The following SHC3 variants were observed in gnomAD, a reference collection of about 807,000 sequenced individuals.
SHC3 encodes the protein SHC adaptor protein 3, also known as SHC-transforming protein 3.
A neutral mutation model predicts 60.4 loss-of-function variants in SHC3; 15 were observed. The ratio of observed to expected loss-of-function variants is 0.25; its 90% CI spans 0.17 to 0.38. The LOEUF (loss-of-function observed/expected upper bound fraction) is 0.38, where lower values mean the gene tolerates loss of function less well. Ranked by LOEUF, SHC3 falls within the 10% of genes least tolerant of loss-of-function variation. SHC3 has a pLI of 1.00. For synonymous variants in SHC3, 294 were observed against 325.9 expected (o/e 0.90, Z 1.05); for missense variants, 677 against 786.1 (o/e 0.86, Z 1.66).
chr9:89,019,015 T>C (rs1432094905), intron 11 of SHC3, among the ~76,000 whole-genome samples: 1 of 149,224 alleles, frequency 6.7e-6, no homozygotes, highest in Non-Finnish European at 1.5e-5. Context: ...ACTGAGATCA[T>C]GCCACTGCAC....
intron 11 of SHC3, chr9:89,037,608 A>C: frequency 1.4e-6 from 1 of 695,268 alleles, no homozygotes; most frequent in Non-Finnish European, 2.6e-6. Context: ...CAAAATCCTC[A>C]GTGATTCAAC....
intron 6 of SHC3, among the ~76,000 whole-genome samples, chr9:89,063,429 AC>A (rs1391544907): frequency 1.3e-5 from 2 of 152,186 alleles, no homozygotes; most frequent in East Asian, 3.9e-4. Context: ...CACCTGGCTG[AC>A]AGCTGTGACT....
At chr9:89,165,894 A>T (rs1406670147) in intron 1 of SHC3, among the ~76,000 whole-genome samples, 1 of 151,894 alleles carries the variant, frequency 6.6e-6, no homozygotes, top group Non-Finnish European at 1.5e-5. Context: ...TTCCAACATC[A>T]CTCCTAATTG....
intron 1 of SHC3, among the ~76,000 whole-genome samples, chr9:89,145,229 G>A (rs1826451776): frequency 6.6e-6 from 1 of 152,186 alleles, no homozygotes; most frequent in Non-Finnish European, 1.5e-5. Flanking sequence ...GGACTGAATA[G>A]GAAATTCACA....
At position 89,012,808 on chromosome 9, in the gene SHC3, T is replaced by A. The variant is rs1826029608; in HGVS notation, c.*639A>T. ...GACCCGGAGAAGCTGGAGTGCCACC[T>A]GTTCTTTAGTGAAGCTGCAGCGAGT... On this transcript the variant is annotated 3_prime_UTR_variant, in exon 12 of 12. Transcript: ENST00000375835. The A allele has an allele frequency of 6.6e-6, 1 of 152,206 alleles. No homozygotes were observed. Among genetic ancestry groups the A allele is most frequent in the African/African-American group, 2.4e-5 (1 of 41,458 alleles). 9.4% of individuals were successfully genotyped at this position (152,206 alleles called of 1,614,324 possible).
At chr9:89,106,833 C>T (rs915529311) in intron 2 of SHC3, among the ~76,000 whole-genome samples, 5 of 152,162 alleles carry the variant, frequency 3.3e-5, no homozygotes, top group Non-Finnish European at 5.9e-5. Context: ...GACATTTCCA[C>T]AGTGATGTCT....
chr9:89,019,062 G>GAA (rs1158735225), intron 11 of SHC3, among the ~76,000 whole-genome samples: 2 of 108,658 alleles, frequency 1.8e-5, no homozygotes, highest in Non-Finnish European at 3.9e-5. Context: ...CTGTCTCAGA[G>GAA]AAAAAAAAAA....
intron 3 of SHC3, 39 bp downstream of exon 3, chr9:89,077,801 G>A (rs761689289): frequency 9.9e-6 from 16 of 1,611,170 alleles, no homozygotes; most frequent in Non-Finnish European, 1.4e-5. Flanking sequence ...AGAGGAAGTA[G>A]AGGAGACACA....
intron 8 of SHC3, 133 bp downstream of exon 8, chr9:89,046,711 G>T: frequency 9.2e-7 from 1 of 1,088,510 alleles, no homozygotes; most frequent in East Asian, 2.8e-5. Flanking sequence ...GAAATCCAGT[G>T]AGAGAAAGCT....
In SHC3 at chr9:89,145,356, C is replaced by T. The variant is rs28438394; in HGVS notation, c.474+32631G>A. On this transcript the variant is annotated intron_variant, in intron 1 of 11. Coordinates refer to ENST00000375835, the MANE Select transcript of SHC3 (RefSeq NM_016848.6). ...ATGGACTTCATTCTGCTTCCTGAAC[C>T]AATTATTTCCAAGGGGAAAATGATT... Among the ~76,000 whole-genome samples the T allele has an allele frequency of 6.1e-3, 933 of 152,272 alleles. 9 individuals carry two copies. The highest frequency in any genetic ancestry group is 0.021 in the African/African-American group (876 of 41,566).
At position 89,038,122 on chromosome 9, in the gene SHC3, T is replaced by G. The variant is rs1317534194; in HGVS notation, c.1527A>C (p.Ala509=). ...CTCCGTCTTTCTCCAGCAGCCCCTC[T>G]GCCTCCTTCCTGCTCATCTCTCCTT... ...WYQGEMSRKE[A]EGLLEKDGDF... The change falls in exon 11 of 12, where the codon GCA becomes GCC. Residue 509 remains alanine (A), a synonymous_variant. Coordinates refer to ENST00000375835, the MANE Select transcript of SHC3 (RefSeq NM_016848.6). The G allele has an allele frequency of 6.2e-6, 10 of 1,614,012 alleles. No individual in the cohort carries two copies. Among genetic ancestry groups the G allele is most frequent in the Non-Finnish European group, 8.5e-6 (10 of 1,180,034 alleles).
At chr9:89,066,446 T>C (rs765430828) in intron 5 of SHC3, among the ~76,000 whole-genome samples, 1 of 152,224 alleles carries the variant, frequency 6.6e-6, no homozygotes, top group Non-Finnish European at 1.5e-5. Context: ...CCATATGAAA[T>C]GTGAGTTTCT....
intron 1 of SHC3, among the ~76,000 whole-genome samples, chr9:89,163,055 C>T (rs1232780883): frequency 7.0e-6 from 1 of 143,070 alleles, no homozygotes; most frequent in Admixed American, 7.0e-5. Flanking sequence ...TACCATCTCA[C>T]ACCAGTTAGA....
intron 11 of SHC3, among the ~76,000 whole-genome samples, chr9:89,022,456 G>A (rs1156674850): frequency 1.3e-5 from 2 of 152,144 alleles, no homozygotes; most frequent in Non-Finnish European, 2.9e-5. Flanking sequence ...AACACAATAA[G>A]CCTCAGCATT....
chr9:89,037,397 C>G (rs1479718551), intron 11 of SHC3: 7 of 643,660 alleles, frequency 1.1e-5, no homozygotes, highest in Non-Finnish European at 2.0e-5. Context: ...CTTAGCAATT[C>G]TTGGACTATG....
chr9:89,140,790 G>C (rs11533019), intron 1 of SHC3, among the ~76,000 whole-genome samples: 1 of 152,090 alleles, frequency 6.6e-6, no homozygotes, highest in South Asian at 2.1e-4. Context: ...TAGGCTGTTA[G>C]TAATTATCTC....
chr9:89,053,695 C>T (rs981142607), intron 6 of SHC3, among the ~76,000 whole-genome samples: 1 of 152,216 alleles, frequency 6.6e-6, no homozygotes, highest in African/African-American at 2.4e-5. Flanking sequence ...TTCAGACATC[C>T]TGGTTGTCTT....
At chr9:89,054,315 T>A (rs1055447782) in intron 6 of SHC3, among the ~76,000 whole-genome samples, 1 of 152,290 alleles carries the variant, frequency 6.6e-6, no homozygotes, top group African/African-American at 2.4e-5. Flanking sequence ...ACCCATGGAC[T>A]CTCGGGAATT....
chr9:89,089,056 G>A (rs1466672413), intron 2 of SHC3: 1 of 152,246 alleles, frequency 6.6e-6, no homozygotes, highest in Non-Finnish European at 1.5e-5. Context: ...CGGTGCTATC[G>A]ACTCGGTGGC....
Sources: gnomAD v4.1 joint callset for allele counts (sites outside exome capture counted in the v4.1 genomes callset) on GRCh38, gnomAD v4.1.1 for gene constraint, MANE v1.5 for transcripts, NCBI Gene and HGNC (gene_info 2026-07-23, HGNC 2026-07-21) for gene names.